Variants in NGLY1 observed in about 807,000 individuals in gnomAD.
The protein encoded by NGLY1 is N-glycanase 1, also known as peptide-N(4)-(N-acetyl-beta-glucosaminyl)asparagine amidase.
A neutral mutation model predicts 84.6 loss-of-function variants in NGLY1; 68 were observed. That is an observed-to-expected ratio of 0.80 (90% confidence interval 0.66 to 0.98). The LOEUF (loss-of-function observed/expected upper bound fraction) is 0.98, where lower values mean the gene tolerates loss of function less well. NGLY1 is among the 50% of genes least tolerant of loss of function. The pLI, the probability that NGLY1 is intolerant of heterozygous loss-of-function variation, is 0.00. For synonymous variants in NGLY1, 280 were observed against 275.2 expected (o/e 1.02, Z -0.17); for missense variants, 779 against 770.2 (o/e 1.01, Z -0.14).
At chr3:25,734,006 A>G (rs1417120146) in intron 7 of NGLY1, 24 bp from the exon 8 acceptor site, 4 of 1,607,690 alleles carry the variant, frequency 2.5e-6, no homozygotes, top group Non-Finnish European at 3.4e-6. Context: ...CAGAATACAA[A>G]TACTTAACAA....
intron 2 of NGLY1, among the ~76,000 whole-genome samples, chr3:25,767,876 G>A (rs1006571406): frequency 3.3e-5 from 5 of 151,296 alleles, no homozygotes; most frequent in African/African-American, 4.8e-5. Context: ...ACTTTGGGGG[G>A]CTGAAGCAGG....
rs1304931750 is a variant in NGLY1 at position 25,778,693 on chromosome 3, C to CA, written c.132-6dup. On this transcript the variant is annotated splice_region_variant and splice_polypyrimidine_tract_variant and intron_variant, in intron 1 of 11. Transcript: ENST00000280700. ...TATTTTTCATCATTAGGGTTTCTGACAAAAAACAAAAGTTTGATTATATAT... is the reference window on the plus strand; with the variant it reads ...TATTTTTCATCATTAGGGTTTCTGACAAAAAAACAAAAGTTTGATTATATAT... 6.4e-7 allele frequency: 1 copy of CA among 1,550,766 alleles called. No homozygotes were observed.
chr3:25,771,423 T>C (rs1300058926), intron 2 of NGLY1, among the ~76,000 whole-genome samples: 2 of 152,238 alleles, frequency 1.3e-5, no homozygotes, highest in Non-Finnish European at 2.9e-5. Context: ...GCCGGTACCA[T>C]GCTGTTTTGT....
At chr3:25,764,929 C>T (rs1048217378) in intron 2 of NGLY1, among the ~76,000 whole-genome samples, 3 of 151,918 alleles carry the variant, frequency 2.0e-5, no homozygotes, top group Admixed American at 6.6e-5. Context: ...GAAGGTAATC[C>T]GAACAAAACA....
At chr3:25,749,771 T>C in intron 4 of NGLY1, 1 of 1,417,860 alleles carries the variant, frequency 7.1e-7, no homozygotes, top group Admixed American at 1.7e-5. Context: ...CAACAAAACT[T>C]ACTGTGCTGA....
intron 4 of NGLY1, among the ~76,000 whole-genome samples, chr3:25,742,785 G>A (rs1055263461): frequency 1.5e-5 from 2 of 137,370 alleles, no homozygotes; most frequent in African/African-American, 5.4e-5. Flanking sequence ...CCCAACTCTT[G>A]TTCTTTCAGC....
chr3:25,746,078 T>C (rs1418753693), intron 4 of NGLY1, among the ~76,000 whole-genome samples: 9 of 152,210 alleles, frequency 5.9e-5, no homozygotes, highest in Admixed American at 5.9e-4. Flanking sequence ...CTGCTCTGTC[T>C]GAAATTCAAT....
At position 25,783,139 on chromosome 3, in the gene NGLY1, C is replaced by T; in HGVS notation, c.131+121G>A. 1.1e-6 allele frequency: 1 copy of T among 915,076 alleles called. No homozygotes were observed. The highest frequency in any genetic ancestry group is 2.6e-5 in the Admixed American group (1 of 37,862). 56.7% of individuals were successfully genotyped at this position (915,076 alleles called of 1,614,324 possible). ...GTTAGGAGCAGAACCAGCTCCAGGTCCCGGTCTGTCCGGGCGTCGCTGCCC... is the reference window on the plus strand; with the variant it reads ...GTTAGGAGCAGAACCAGCTCCAGGTTCCGGTCTGTCCGGGCGTCGCTGCCC... On this transcript the variant is annotated intron_variant, in intron 1 of 11. Coordinates refer to ENST00000280700, the MANE Select transcript of NGLY1 (RefSeq NM_018297.4). This position sits in a 1 kb window ranked among gnomAD's most constrained non-coding sequence, Gnocchi z 4.5.
At chr3:25,745,112 G>A (rs373617695) in intron 4 of NGLY1, among the ~76,000 whole-genome samples, 1 of 152,040 alleles carries the variant, frequency 6.6e-6, no homozygotes, top group East Asian at 1.9e-4. Flanking sequence ...ATATCCTGCT[G>A]TTTCTAAAAT....
At chr3:25,755,045 G>A (rs1182679997) in intron 3 of NGLY1, 8 of 1,199,272 alleles carry the variant, frequency 6.7e-6, no homozygotes, top group Non-Finnish European at 8.7e-6. Flanking sequence ...TCAAATTTTG[G>A]AATTTGCTTT....
chr3:25,756,668 T>C (rs563986737), intron 3 of NGLY1, among the ~76,000 whole-genome samples: 1 of 152,348 alleles, frequency 6.6e-6, no homozygotes, highest in Admixed American at 6.5e-5. Flanking sequence ...CATACACGTA[T>C]GTTTTGATCA....
At chr3:25,736,601 G>A in intron 6 of NGLY1, 3 of 417,718 alleles carry the variant, frequency 7.2e-6, no homozygotes, top group South Asian at 5.7e-5. Context: ...ATTAATGGAA[G>A]GTTTCATTTA....
intron 5 of NGLY1, among the ~76,000 whole-genome samples, chr3:25,738,404 C>G (rs1039012263): frequency 3.3e-5 from 5 of 151,974 alleles, no homozygotes; most frequent in African/African-American, 1.2e-4. Context: ...CCAGACAATT[C>G]AAGAACACTA....
At chr3:25,726,054 T>G (rs549876404) in intron 10 of NGLY1, among the ~76,000 whole-genome samples, 35 of 152,244 alleles carry the variant, frequency 2.3e-4, no homozygotes, top group Non-Finnish European at 4.6e-4. Flanking sequence ...CTTGACATAA[T>G]GCCATGCACC....
upstream of NGLY1, among the ~76,000 whole-genome samples, chr3:25,785,056 A>G (rs954648598): frequency 3.3e-5 from 5 of 150,874 alleles, no homozygotes; most frequent in Non-Finnish European, 7.4e-5. Flanking sequence ...CTGTTGCTCC[A>G]CAGACAATAC....
rs755773365 is a variant in NGLY1, at chr3:25,720,194, A to G, written c.1612-3T>C. The G allele has an allele frequency of 9.3e-6, 15 of 1,611,614 alleles. No homozygotes were observed. In the Middle Eastern group the frequency reaches 4.9e-4, roughly 53 times the overall value. ...CCTTCCTTTCGGGCCAAATATACCT[A>G]TAAGGAGTAGGGATGGGGAGAAAGG... On this transcript the variant is annotated splice_polypyrimidine_tract_variant and splice_region_variant and intron_variant, in intron 10 of 11. Coordinates refer to ENST00000280700, the MANE Select transcript of NGLY1 (RefSeq NM_018297.4).
chr3:25,725,648 A>G (rs977549536), intron 10 of NGLY1, among the ~76,000 whole-genome samples: 6 of 152,184 alleles, frequency 3.9e-5, no homozygotes, highest in African/African-American at 1.2e-4. Context: ...GAGGTCACTC[A>G]GCTGGTTCTG....
At chr3:25,729,997 C>T (rs1458946466) in intron 9 of NGLY1, 1 of 152,110 alleles carries the variant, frequency 6.6e-6, no homozygotes, top group Non-Finnish European at 1.5e-5. Flanking sequence ...GATTCTTTCT[C>T]ATCCTGAGTC....
rs551320816 is a variant in NGLY1 at position 25,732,012 on chromosome 3, T to A, written c.1425+307A>T. On this transcript the variant is annotated intron_variant, in intron 9 of 11. Coordinates refer to ENST00000280700, the MANE Select transcript of NGLY1 (RefSeq NM_018297.4). Reference sequence around the variant, plus strand: ...ACATGGGTGTTAAATTTGTAAACATTCATTAAGCTGTACATTTATAATTTG... The same window carrying A: ...ACATGGGTGTTAAATTTGTAAACATACATTAAGCTGTACATTTATAATTTG... Among the ~76,000 whole-genome samples, 6 of 152,238 alleles carry A rather than the reference T, an allele frequency of 3.9e-5. No individual in the cohort carries two copies. In the South Asian group the frequency reaches 1.2e-3, roughly 32 times the overall value.
Sources: gnomAD v4.1 joint callset for allele counts (sites outside exome capture counted in the v4.1 genomes callset) on GRCh38, gnomAD v4.1.1 for gene constraint, Gnocchi (gnomAD v3.1) non-coding constraint, MANE v1.5 for transcripts, NCBI Gene and HGNC (gene_info 2026-07-23, HGNC 2026-07-21) for gene names.